Variants in TENM3 observed in about 807,000 individuals in gnomAD.
TENM3 encodes teneurin transmembrane protein 3.
In TENM3, 63 loss-of-function variants were observed where a neutral mutation model predicts 255.1. That is an observed-to-expected ratio of 0.25 (90% confidence interval 0.20 to 0.30). The LOEUF (loss-of-function observed/expected upper bound fraction) is 0.30. Among genes scored for constraint, TENM3 ranks in the 10% least tolerant of loss-of-function variants. The probability of loss-of-function intolerance (pLI) is 1.00; values close to 1 mark genes in which losing one functional copy is unlikely to be tolerated. For missense variants in TENM3, 2,929 were observed against 3,461.1 expected (o/e 0.85, Z 3.86); for synonymous variants, 1,306 against 1,322.3 (o/e 0.99, Z 0.27).
At chr4:182,383,544 G>A (rs752947202) in intron 3 of TENM3, among the ~76,000 whole-genome samples, 4 of 152,074 alleles carry the variant, frequency 2.6e-5, no homozygotes, top group African/African-American at 4.8e-5. Flanking sequence ...ATGGTATTAA[G>A]GTTTGGGCTT....
chr4:182,517,413 TCGCTCTGTCGCC>T (rs1333915361), intron 3 of TENM3, among the ~76,000 whole-genome samples: 4 of 135,694 alleles, frequency 2.9e-5, no homozygotes, highest in Non-Finnish European at 6.2e-5. Context: ...AGACGGAGTC[TCGCTCTGTCGCC>T]CAGGCTGGAG....
chr4:181,852,723 A>G, the TENM3 span, among the ~76,000 whole-genome samples: 1 of 152,366 alleles, frequency 6.6e-6, no homozygotes, highest in Admixed American at 6.5e-5. Flanking sequence ...CTTCGTATAC[A>G]CCAGGCAAGC....
chr4:181,941,959 A>G, the TENM3 span, among the ~76,000 whole-genome samples: 2,121 of 152,278 alleles, frequency 0.014, 52 homozygotes, highest in African/African-American at 0.048. Flanking sequence ...AGACGCTTCT[A>G]TCAGAACACC....
chr4:182,631,091 G>A (rs1001319644), intron 5 of TENM3, among the ~76,000 whole-genome samples: 6 of 151,824 alleles, frequency 4.0e-5, no homozygotes, highest in African/African-American at 1.2e-4. Flanking sequence ...ATATTGCCTA[G>A]TTTTACTTTT....
the TENM3 span, among the ~76,000 whole-genome samples, chr4:181,520,171 C>T: frequency 6.6e-6 from 1 of 152,162 alleles, no homozygotes; most frequent in African/African-American, 2.4e-5. Context: ...CTCTGAGAAG[C>T]CATAAAGGCC....
chr4:181,694,211 A>C, the TENM3 span, among the ~76,000 whole-genome samples: 1 of 152,216 alleles, frequency 6.6e-6, no homozygotes, highest in African/African-American at 2.4e-5. Context: ...TGACCTATGC[A>C]CACAAAGAAA....
intron 22 of TENM3, among the ~76,000 whole-genome samples, chr4:182,768,031 C>A (rs1202090435): frequency 6.6e-6 from 1 of 152,168 alleles, no homozygotes; most frequent in Non-Finnish European, 1.5e-5. Context: ...ACGACATATG[C>A]TGGTCTCGTG....
chr4:182,227,962 G>T (rs79677410), intron 1 of TENM3, among the ~76,000 whole-genome samples: 4,169 of 152,128 alleles, frequency 0.027, 78 homozygotes, highest in Non-Finnish European at 0.041. Context: ...ACATTTCTTA[G>T]CAATAAAATG....
chr4:182,418,331 C>T (rs1024152225), intron 3 of TENM3, among the ~76,000 whole-genome samples: 2 of 152,108 alleles, frequency 1.3e-5, no homozygotes, highest in African/African-American at 4.8e-5. Flanking sequence ...CTGAAAAGAA[C>T]GGATTCTCCA....
At chr4:181,769,709 T>G in the TENM3 span, among the ~76,000 whole-genome samples, 1 of 152,156 alleles carries the variant, frequency 6.6e-6, no homozygotes, top group Admixed American at 6.5e-5. Context: ...TTGTGGAATT[T>G]TTTTGCCCTA....
chr4:181,728,778 T>C, the TENM3 span, among the ~76,000 whole-genome samples: 1 of 152,184 alleles, frequency 6.6e-6, no homozygotes, highest in Admixed American at 6.5e-5. Context: ...CTCCTGGGAA[T>C]GCAGCCCAGC....
chr4:182,206,307 C>G (rs1199105283), intron 1 of TENM3, among the ~76,000 whole-genome samples: 2 of 152,176 alleles, frequency 1.3e-5, no homozygotes, highest in Admixed American at 1.3e-4. Context: ...GGGATGATTG[C>G]TTTCCCCACA....
chr4:181,890,665 T>C, the TENM3 span, among the ~76,000 whole-genome samples: 1 of 152,166 alleles, frequency 6.6e-6, no homozygotes, highest in Non-Finnish European at 1.5e-5. Context: ...AAATCACTTC[T>C]TATCAGAAGT....
chr4:182,264,657 G>T (rs765692149), intron 1 of TENM3, among the ~76,000 whole-genome samples: 8 of 152,138 alleles, frequency 5.3e-5, no homozygotes, highest in Non-Finnish European at 7.3e-5. Flanking sequence ...TTGATTATCT[G>T]CATGACCTTG....
At chr4:182,407,772 T>A (rs752283674) in intron 3 of TENM3, among the ~76,000 whole-genome samples, 2 of 152,234 alleles carry the variant, frequency 1.3e-5, no homozygotes, top group Non-Finnish European at 2.9e-5. Context: ...CAATGAATCA[T>A]TAGCCAAAGA....
At chr4:182,005,004 C>A in the TENM3 span, among the ~76,000 whole-genome samples, 2 of 152,160 alleles carry the variant, frequency 1.3e-5, no homozygotes. Context: ...AAAATTTTCT[C>A]CCATTCTGTA....
chr4:181,753,702 A>C, the TENM3 span, among the ~76,000 whole-genome samples: 1 of 152,238 alleles, frequency 6.6e-6, no homozygotes, highest in Non-Finnish European at 1.5e-5. Flanking sequence ...TATGGGTAAC[A>C]TTAGTAACGT....
At chr4:181,884,295 TTTA>T in the TENM3 span, among the ~76,000 whole-genome samples, 1 of 143,962 alleles carries the variant, frequency 6.9e-6, no homozygotes, top group East Asian at 2.0e-4. Context: ...AATTTTAATT[TTTA>T]TTATAATAAA....
chr4:182,334,933 A>G (rs73869931), intron 2 of TENM3, among the ~76,000 whole-genome samples: 85 of 152,270 alleles, frequency 5.6e-4, no homozygotes, highest in African/African-American at 1.9e-3. Flanking sequence ...TTCTTATAAA[A>G]CACGAAGTCC....
Sources: allele counts gnomAD v4.1 joint callset (sites outside exome capture counted in the v4.1 genomes callset), GRCh38; gene constraint gnomAD v4.1.1; transcripts MANE v1.5; gene names NCBI Gene and HGNC (gene_info 2026-07-23, HGNC 2026-07-21).